Variants in TMEM115 observed in about 807,000 individuals in gnomAD.
TMEM115 encodes the protein transmembrane protein 115, also known as PP6.
TMEM115 carries 8 observed loss-of-function variants against 20.1 expected under a neutral mutation model. The ratio of observed to expected loss-of-function variants is 0.40; its 90% confidence interval spans 0.23 to 0.72. TMEM115 has a LOEUF of 0.72. Among genes scored for constraint, TMEM115 ranks in the 30% least tolerant of loss-of-function variants. The pLI is 0.39. For missense variants in TMEM115, 374 were observed against 455.1 expected (o/e 0.82, Z 1.62); for synonymous variants, 229 against 206.2 (o/e 1.11, Z -0.95).
At position 50,358,227 on chromosome 3, in the gene TMEM115, G is replaced by A. The variant is rs771606063; in HGVS notation, c.837C>T (p.Asp279=). The stretch of plus-strand genomic sequence containing the variant: ...TTTCACAGTACCTTCTCCGCTCGGC[G>A]TCTTGAGGGTCTGTGCCTGGCAGGC... ...TISLPGTDPQ[D]AERRRQLALK... The change falls in exon 1 of 2, where the codon GAC becomes GAT. Residue 279 remains aspartate (D), a synonymous_variant. Transcript: ENST00000266025. 1.1e-5 allele frequency: 18 copies of A among 1,612,704 alleles called. No homozygotes were observed. The highest frequency in any genetic ancestry group is 1.1e-4 in the South Asian group (10 of 91,084).
chr3:50,358,879 A>G lies in TMEM115; in HGVS notation c.185T>C (p.Leu62Pro), dbSNP rs1703919032. 1.2e-6 allele frequency: 2 copies of G among 1,613,272 alleles called. No individual in the cohort carries two copies. Among genetic ancestry groups the G allele is most frequent in the East Asian group, 2.2e-5 (1 of 44,890 alleles). The change falls in exon 1 of 2, where the codon CTG becomes CCG. Residue 62 changes from leucine (L) to proline (P), a missense_variant. By Grantham distance (98) the Leu-to-Pro change is moderately conservative. Coordinates refer to ENST00000266025, the MANE Select transcript of TMEM115 (RefSeq NM_007024.5). ...CTGCTCCATCAGCCCATGGGTGGCCAGGGTCCAGATCCAGAAGTTGGGAGG... is the reference window on the plus strand; with the variant it reads ...CTGCTCCATCAGCCCATGGGTGGCCGGGGTCCAGATCCAGAAGTTGGGAGG... ...LFPPNFWIWT[L>P]ATHGLMEQHV...
Position 50,358,617 on chromosome 3 carries a change from G to C in TMEM115, c.447C>G (p.Leu149=). The change falls in exon 1 of 2, where the codon CTC becomes CTG. Residue 149 remains leucine, a synonymous_variant. Transcript: ENST00000266025. Reference sequence around the variant, plus strand: ...CCACACAGTCCCCCATGGTTTGCTTGAGTGCCACCAGGACGCCACCTAGGA... The same window carrying C: ...CCACACAGTCCCCCATGGTTTGCTTCAGTGCCACCAGGACGCCACCTAGGA... ...LGFLGGVLVA[L]KQTMGDCVVL... The C allele has an allele frequency of 6.2e-7, 1 of 1,612,692 alleles. No individual in the cohort carries two copies. The highest frequency in any genetic ancestry group is 8.5e-7 in the Non-Finnish European group (1 of 1,179,750).
In TMEM115 at chr3:50,357,996, C is replaced by T. The variant is rs1306711819; in HGVS notation, c.851+217G>A. On this transcript the variant is annotated intron_variant, in intron 1 of 1. Transcript: ENST00000266025. Reference sequence around the variant, plus strand: ...CCAAAGGAAACTGCATTTCTTGAGACTTATTAAGTGGCCCGAGTGGTGAGA... The same window carrying T: ...CCAAAGGAAACTGCATTTCTTGAGATTTATTAAGTGGCCCGAGTGGTGAGA... 5.6e-5 allele frequency: 34 copies of T among 604,410 alleles called. No individual in the cohort carries two copies. The East Asian group carries it at 6.0e-4, about 11-fold the overall frequency. 37.4% of individuals were successfully genotyped at this position (604,410 alleles called of 1,614,324 possible). A position where few individuals can be genotyped will look rare whatever the true frequency, so the allele number is the denominator to read the frequency against.
rs1248770697 is a variant in TMEM115, at chr3:50,359,439, G to A, written c.-376C>T. ...GGGACTGGTGCCTCGTTCTGTACCC[G>A]AGTCAAGCCTGGTCAGCTCCCGCTC... On this transcript the variant is annotated 5_prime_UTR_variant, in exon 1 of 2. Coordinates refer to ENST00000266025, the MANE Select transcript of TMEM115 (RefSeq NM_007024.5). 4 of 202,094 alleles carry A rather than the reference G, an allele frequency of 2.0e-5. No homozygotes were observed. In the East Asian group the frequency reaches 4.9e-4, roughly 25 times the overall value. The allele number at this position is 202,094 out of a possible 1,614,324, so 12.5% of individuals were successfully genotyped here.
intron 1 of TMEM115, among the ~76,000 whole-genome samples, chr3:50,356,385 T>C (rs973131676): frequency 6.6e-6 from 1 of 152,172 alleles, no homozygotes; most frequent in African/African-American, 2.4e-5. Context: ...GTTTCAACAG[T>C]GACCACTGTG....
Position 50,358,687 on chromosome 3 carries a change from T to G in TMEM115, c.377A>C (p.Asn126Thr). 1.2e-6 allele frequency: 2 copies of G among 1,613,362 alleles called. No homozygotes were observed. Among genetic ancestry groups the G allele is most frequent in the Non-Finnish European group, 1.7e-6 (2 of 1,179,996 alleles). ...ACGGACAGTGAACAGGTAGACCAGG[T>G]TGAAGGAAGCCATGTAGGTGAGGAG... ...AYLLTYMASF[N>T]LVYLFTVRIH... Residue 126 changes from asparagine (N) to threonine (T), a missense_variant, in exon 1 of 2, where the codon AAC (asparagine) becomes ACC (threonine). Physicochemically the swap from Asn to Thr is moderately conservative, Grantham distance 65. Transcript: ENST00000266025.
rs373326578 is a variant in TMEM115 at position 50,358,296 on chromosome 3, C to T, written c.768G>A (p.Thr256=). Residue 256 remains threonine, a synonymous_variant, in exon 1 of 2, where the codon ACG becomes ACA. Coordinates refer to ENST00000266025, the MANE Select transcript of TMEM115 (RefSeq NM_007024.5). ...LLVKVKICQK[T]VKRYDVGAPS... is the part of the protein sequence containing the mutation. Reference sequence around the variant, plus strand: ...GGGCACCCACATCGTAGCGCTTCACCGTCTTCTGGCATATCTTTACCTTCA... The same window carrying T: ...GGGCACCCACATCGTAGCGCTTCACTGTCTTCTGGCATATCTTTACCTTCA... The T allele has an allele frequency of 3.7e-6, 6 of 1,613,808 alleles. No homozygotes were observed. The highest frequency in any genetic ancestry group is 2.2e-5 in the South Asian group (2 of 91,082).
intron 1 of TMEM115, 87 bp downstream of exon 1, chr3:50,358,126 C>G (rs1462848260): frequency 4.6e-6 from 7 of 1,533,496 alleles, no homozygotes; most frequent in Admixed American, 1.7e-5. Flanking sequence ...AGGTCTCCAC[C>G]TATGTACAGC....
At chr3:50,358,140 C>T in intron 1 of TMEM115, 73 bp downstream of exon 1, 1 of 1,562,640 alleles carries the variant, frequency 6.4e-7, no homozygotes, top group Non-Finnish European at 8.7e-7. Flanking sequence ...GTACAGCGAA[C>T]ACCTCAACAG....
chr3:50,357,589 G>A (rs143438532), intron 1 of TMEM115, among the ~76,000 whole-genome samples: 1,930 of 152,296 alleles, frequency 0.013, 29 homozygotes, highest in Non-Finnish European at 0.02. Flanking sequence ...TGGATAGCTT[G>A]GTTTACAGAT....
At chr3:50,356,318 CAT>C (rs1469608714) in intron 1 of TMEM115, among the ~76,000 whole-genome samples, 2 of 152,200 alleles carry the variant, frequency 1.3e-5, no homozygotes. Flanking sequence ...AAGGTTTACA[CAT>C]GTGCTTGGGA....
rs1703913059 is a variant in TMEM115, at chr3:50,358,550, G to A, written c.514C>T (p.Leu172=). Residue 172 remains leucine (L), a synonymous_variant, in exon 1 of 2, where the codon CTG becomes TTG. Coordinates refer to ENST00000266025, the MANE Select transcript of TMEM115 (RefSeq NM_007024.5). Reference sequence around the variant, plus strand: ...AGCAGGAGCAGCAGCGCCAGCAGCAGCATGGGCATCACACTGACGCGCACC... The same window carrying A: ...AGCAGGAGCAGCAGCGCCAGCAGCAACATGGGCATCACACTGACGCGCACC... ...PQVRVSVMPM[L]LLALLLLLRL... is the part of the protein sequence containing the mutation. 2 of 1,610,818 alleles carry A rather than the reference G, an allele frequency of 1.2e-6. No homozygotes were observed. Among genetic ancestry groups the A allele is most frequent in the Middle Eastern group, 1.7e-4 (1 of 6,058 alleles).
Position 50,355,460 on chromosome 3 carries a change from C to A in TMEM115, c.939G>T (p.Glu313Asp). The A allele has an allele frequency of 3.1e-6, 5 of 1,609,044 alleles. No individual in the cohort carries two copies. The highest frequency in any genetic ancestry group is 4.2e-6 in the Non-Finnish European group (5 of 1,177,624). The change falls in exon 2 of 2, where the codon GAG becomes GAT. Residue 313 changes from glutamate (E) to aspartate (D), a missense_variant. Physicochemically the swap from Glu to Asp is conservative, Grantham distance 45. Coordinates refer to ENST00000266025, the MANE Select transcript of TMEM115 (RefSeq NM_007024.5). Reference protein sequence around the residue: ...IWPSMDDDEEESGAKVDSPLP... With the variant: ...IWPSMDDDEEDSGAKVDSPLP... ...GGGGGCTGTCCACCTTGGCCCCAGACTCCTCTTCATCATCATCCATGCTGG... is the reference window on the plus strand; with the variant it reads ...GGGGGCTGTCCACCTTGGCCCCAGAATCCTCTTCATCATCATCCATGCTGG...
chr3:50,358,931 G>A lies in TMEM115; in HGVS notation c.133C>T (p.Leu45=). ...LLSFAVDTGC[L]AVTPGYLFPP... ...AAGAGGTAGCCCGGGGTGACCGCCAGGCAGCCTGTGTCCACGGCGAAGGAG... is the reference window on the plus strand; with the variant it reads ...AAGAGGTAGCCCGGGGTGACCGCCAAGCAGCCTGTGTCCACGGCGAAGGAG... The change falls in exon 1 of 2, where the codon CTG becomes TTG. Residue 45 remains leucine (L), a synonymous_variant. Transcript: ENST00000266025. 1.2e-6 allele frequency: 2 copies of A among 1,612,708 alleles called. No individual in the cohort carries two copies. The highest frequency in any genetic ancestry group is 1.7e-6 in the Non-Finnish European group (2 of 1,179,894).
Position 50,355,442 on chromosome 3 carries a change from G to A in TMEM115, c.957C>T (p.Asp319=). ...GAGCTTTGTCTGAGGGCAGGGGGCT[G>A]TCCACCTTGGCCCCAGACTCCTCTT... ...DDEEESGAKV[D]SPLPSDKAPT... is the part of the protein sequence containing the mutation. The change falls in exon 2 of 2, where the codon GAC becomes GAT. Residue 319 remains aspartate (D), a synonymous_variant. Coordinates refer to ENST00000266025, the MANE Select transcript of TMEM115 (RefSeq NM_007024.5). 6.2e-7 allele frequency: 1 copy of A among 1,602,474 alleles called. No homozygotes were observed. The highest frequency in any genetic ancestry group is 8.5e-7 in the Non-Finnish European group (1 of 1,174,190).
At chr3:50,355,862 C>G (rs1448882454) in intron 1 of TMEM115, among the ~76,000 whole-genome samples, 1 of 152,236 alleles carries the variant, frequency 6.6e-6, no homozygotes, top group Non-Finnish European at 1.5e-5. Context: ...AGGGTGGTAT[C>G]TAAGGGTCAG....
In TMEM115 at chr3:50,358,747, T is replaced by A; in HGVS notation, c.317A>T (p.Asn106Ile). 1 of 1,613,432 alleles carries A rather than the reference T, an allele frequency of 6.2e-7. No individual in the cohort carries two copies. The highest frequency in any genetic ancestry group is 8.5e-7 in the Non-Finnish European group (1 of 1,180,016). ...GGCCCCCAGCAGCCCTACAGACACA[T>A]TCACCACTGAGAAGAAGATGAGCAG... is the stretch of plus-strand genomic sequence containing the variant. ...LELLIFFSVV[N>I]VSVGLLGAFA... Residue 106 changes from asparagine (N) to isoleucine (I), a missense_variant, in exon 1 of 2, where the codon AAT (asparagine) becomes ATT (isoleucine). Asn to Ile is a moderately radical substitution (Grantham distance 149). Coordinates refer to ENST00000266025, the MANE Select transcript of TMEM115 (RefSeq NM_007024.5).
Position 50,358,379 on chromosome 3 carries a change from G to C in TMEM115, c.685C>G (p.Pro229Ala). The C allele has an allele frequency of 1.2e-6, 2 of 1,613,942 alleles. No individual in the cohort carries two copies. The highest frequency in any genetic ancestry group is 1.7e-6 in the Non-Finnish European group (2 of 1,180,032). Reference sequence around the variant, plus strand: ...CCCACCACAGGCTGCAGGATCTCAGGGAAGAAAGTGGCGAAAGCAAAGTGG... The same window carrying C: ...CCCACCACAGGCTGCAGGATCTCAGCGAAGAAAGTGGCGAAAGCAAAGTGG... ...ADHFAFATFF[P>A]EILQPVVGLL... The change falls in exon 1 of 2, where the codon CCT (proline) becomes GCT (alanine). Residue 229 changes from proline to alanine, a missense_variant. By Grantham distance (27) the Pro-to-Ala change is conservative. Coordinates refer to ENST00000266025, the MANE Select transcript of TMEM115 (RefSeq NM_007024.5).
Position 50,358,859 on chromosome 3 carries a change from C to T in TMEM115, c.205G>A (p.Glu69Lys). Residue 69 changes from glutamate (E) to lysine (K), a missense_variant, in exon 1 of 2, where the codon GAG (glutamate) becomes AAG (lysine). Coordinates refer to ENST00000266025, the MANE Select transcript of TMEM115 (RefSeq NM_007024.5). ...IWTLATHGLM[E>K]QHVWDVAISL... ...ATGGCCACGTCCCACACATGCTGCT[C>T]CATCAGCCCATGGGTGGCCAGGGTC... The T allele has an allele frequency of 6.2e-7, 1 of 1,613,298 alleles. No homozygotes were observed. Among genetic ancestry groups the T allele is most frequent in the South Asian group, 1.1e-5 (1 of 91,090 alleles).
Sources: gnomAD v4.1 joint callset for allele counts (sites outside exome capture counted in the v4.1 genomes callset) on GRCh38, gnomAD v4.1.1 for gene constraint, MANE v1.5 for transcripts, NCBI Gene and HGNC (gene_info 2026-07-23, HGNC 2026-07-21) for gene names.